Variants in SLC44A5 observed in about 807,000 individuals in gnomAD.
The protein encoded by SLC44A5 is choline transporter-like protein 5.
In SLC44A5, 57 loss-of-function variants were observed where a neutral mutation model predicts 101.8. The observed-to-expected ratio is 0.56, with a 90% CI of 0.45 to 0.70. SLC44A5 has a LOEUF of 0.70. SLC44A5 is among the 30% of genes least tolerant of loss of function. The probability of loss-of-function intolerance (pLI) is 0.00; values close to 1 mark genes in which losing one functional copy is unlikely to be tolerated. For missense variants in SLC44A5, 737 were observed against 853.1 expected (o/e 0.86, Z 1.70); for synonymous variants, 281 against 290.9 (o/e 0.97, Z 0.35).
chr1:75,475,407 A>G (rs1431128802), intron 2 of SLC44A5, among the ~76,000 whole-genome samples: 1 of 152,206 alleles, frequency 6.6e-6, no homozygotes, highest in Admixed American at 6.5e-5. Context: ...CCAACCCTCA[A>G]TTAGCGATTG....
intron 5 of SLC44A5, among the ~76,000 whole-genome samples, chr1:75,286,807 G>T (rs374442414): frequency 6.6e-6 from 1 of 152,056 alleles, no homozygotes; most frequent in South Asian, 2.1e-4. Flanking sequence ...CAGGGTTTCT[G>T]CTGAGGAATC....
intron 4 of SLC44A5, among the ~76,000 whole-genome samples, chr1:75,319,689 G>T (rs1284963781): frequency 6.6e-6 from 1 of 152,164 alleles, no homozygotes; most frequent in Non-Finnish European, 1.5e-5. Flanking sequence ...AAAAATATGT[G>T]TGTTTAACTA....
At chr1:75,338,787 G>A (rs932225162) in intron 4 of SLC44A5, among the ~76,000 whole-genome samples, 7 of 152,096 alleles carry the variant, frequency 4.6e-5, no homozygotes, top group Admixed American at 1.3e-4. Flanking sequence ...AAATGCTAAC[G>A]TACATACTGA....
At chr1:75,349,251 A>G (rs1171539896) in intron 3 of SLC44A5, among the ~76,000 whole-genome samples, 1 of 152,156 alleles carries the variant, frequency 6.6e-6, no homozygotes, top group Admixed American at 6.5e-5. Context: ...AGGCAGGAGG[A>G]TTGCTTGAGC....
At chr1:75,532,776 A>C (rs1403352457) in intron 2 of SLC44A5, among the ~76,000 whole-genome samples, 1 of 152,168 alleles carries the variant, frequency 6.6e-6, no homozygotes, top group Non-Finnish European at 1.5e-5. Flanking sequence ...GTGGTGGCTC[A>C]TGCCTGTAAT....
At chr1:75,616,091 C>G (rs1214935055), upstream of SLC44A5, among the ~76,000 whole-genome samples, 1 of 151,870 alleles carries the variant, frequency 6.6e-6, no homozygotes, top group Non-Finnish European at 1.5e-5. Context: ...TGCTCTCGGC[C>G]GCGCCGCTGG....
the SLC44A5 span, among the ~76,000 whole-genome samples, chr1:75,707,687 C>A: frequency 2.0e-5 from 3 of 152,160 alleles, no homozygotes; most frequent in East Asian, 5.8e-4. Flanking sequence ...TATGAAAACC[C>A]TATCCTCTTG....
At chr1:75,651,595 G>A in the SLC44A5 span, among the ~76,000 whole-genome samples, 2 of 151,268 alleles carry the variant, frequency 1.3e-5, no homozygotes, top group East Asian at 3.9e-4. Flanking sequence ...TACTCGGGAG[G>A]CTGAGGCAGG....
intron 2 of SLC44A5, among the ~76,000 whole-genome samples, chr1:75,447,254 C>A (rs561238890): frequency 4.3e-4 from 66 of 152,196 alleles, no homozygotes; most frequent in Admixed American, 6.5e-4. Flanking sequence ...CTATTAAGAT[C>A]ATTGCAGGAA....
At chr1:75,391,901 C>T (rs932249488) in intron 3 of SLC44A5, among the ~76,000 whole-genome samples, 2 of 152,152 alleles carry the variant, frequency 1.3e-5, no homozygotes, top group African/African-American at 2.4e-5. Flanking sequence ...CACCTGTAAT[C>T]CCAGCACTTT....
chr1:75,714,191 G>C, the SLC44A5 span, among the ~76,000 whole-genome samples: 1 of 152,140 alleles, frequency 6.6e-6, no homozygotes, highest in Non-Finnish European at 1.5e-5. Flanking sequence ...CCAGGATCAA[G>C]TAGGCTTTAT....
At position 75,242,072 on chromosome 1, in the gene SLC44A5, A is replaced by C; in HGVS notation, c.472-11T>G. The C allele has an allele frequency of 1.2e-6, 2 of 1,609,540 alleles. No individual in the cohort carries two copies. The highest frequency in any genetic ancestry group is 4.5e-5 in the East Asian group (2 of 44,770). On this transcript the variant is annotated splice_polypyrimidine_tract_variant and intron_variant, in intron 8 of 23. Coordinates refer to ENST00000370859, the MANE Select transcript of SLC44A5 (RefSeq NM_001130058.2). ...AAGCTGTGTGAGAGACTAAAATAGAAGGAAGAACGTTAACATTTCAAAGGC... is the reference window on the plus strand; with the variant it reads ...AAGCTGTGTGAGAGACTAAAATAGACGGAAGAACGTTAACATTTCAAAGGC...
chr1:75,418,609 A>G (rs1020810542), intron 2 of SLC44A5, among the ~76,000 whole-genome samples: 3 of 152,172 alleles, frequency 2.0e-5, no homozygotes, highest in African/African-American at 7.2e-5. Flanking sequence ...GGATTTAGCC[A>G]GTATTACTGG....
At chr1:75,219,474 C>T in intron 15 of SLC44A5, 130 bp from the exon 16 acceptor site, 8 of 698,220 alleles carry the variant, frequency 1.1e-5, no homozygotes, top group Non-Finnish European at 2.0e-5. Flanking sequence ...TAATAATATT[C>T]ATCTATTTTT....
chr1:75,211,814 C>CGTTCT (rs142519935), intron 22 of SLC44A5, among the ~76,000 whole-genome samples: 3 of 146,668 alleles, frequency 2.0e-5, no homozygotes, highest in Admixed American at 1.4e-4. Context: ...TTCCTTTCCC[C>CGTTCT]TTTCTTTTCT....
chr1:75,543,380 T>C (rs897887826), intron 1 of SLC44A5, among the ~76,000 whole-genome samples: 1 of 151,938 alleles, frequency 6.6e-6, no homozygotes, highest in Non-Finnish European at 1.5e-5. Context: ...TGCCTCATTG[T>C]CATTCCTCTC....
intron 5 of SLC44A5, among the ~76,000 whole-genome samples, chr1:75,280,628 A>T (rs1652456439): frequency 6.7e-6 from 1 of 150,042 alleles, no homozygotes; most frequent in Non-Finnish European, 1.5e-5. Context: ...CCAAATTATA[A>T]TCCTCACGTG....
At chr1:75,673,411 C>G in the SLC44A5 span, among the ~76,000 whole-genome samples, 1 of 151,838 alleles carries the variant, frequency 6.6e-6, no homozygotes, top group Non-Finnish European at 1.5e-5. Context: ...AATAGACCAC[C>G]AGGTAGATTT....
intron 1 of SLC44A5, among the ~76,000 whole-genome samples, chr1:75,588,321 G>C (rs763902652): frequency 8.6e-5 from 13 of 151,958 alleles, no homozygotes; most frequent in Non-Finnish European, 1.8e-4. Flanking sequence ...ATGGAGTAAA[G>C]AAGGGGAAAT....
Sources: gnomAD v4.1 joint callset for allele counts (sites outside exome capture counted in the v4.1 genomes callset) on GRCh38, gnomAD v4.1.1 for gene constraint, MANE v1.5 for transcripts, NCBI Gene and HGNC (gene_info 2026-07-23, HGNC 2026-07-21) for gene names.